Variants in BAHCC1 observed in about 807,000 individuals in gnomAD.
BAHCC1 encodes BAH and coiled-coil domain-containing protein 1.
In BAHCC1, 43 loss-of-function variants were observed where a neutral mutation model predicts 88.2. The ratio of observed to expected loss-of-function variants is 0.49; its 90% CI spans 0.38 to 0.63. The LOEUF is 0.63. Among genes scored for constraint, BAHCC1 ranks in the 20% least tolerant of loss-of-function variants. The probability of loss-of-function intolerance (pLI) is 0.00; values close to 1 mark genes in which losing one functional copy is unlikely to be tolerated. For missense variants in BAHCC1, 3,023 were observed against 1,654.8 expected (o/e 1.83, Z -14.34); for synonymous variants, 1,510 against 745.5 (o/e 2.03, Z -16.71).
At chr17:81,426,460 T>G (rs2064201201) in intron 2 of BAHCC1, among the ~76,000 whole-genome samples, 6 of 114,060 alleles carry the variant, frequency 5.3e-5, no homozygotes, top group African/African-American at 7.6e-5. Context: ...ATGTGGGTGA[T>G]GTGGTTGGGG....
chr17:81,417,529 G>A (rs2064048214), intron 2 of BAHCC1, among the ~76,000 whole-genome samples: 1 of 150,758 alleles, frequency 6.6e-6, no homozygotes, highest in South Asian at 2.1e-4. Context: ...GGAGACCGAG[G>A]AGGGACGCCA....
chr17:81,452,001 C>T lies in BAHCC1; in HGVS notation c.4210C>T (p.Leu1404=). ...CCCCCTGAAGGCCGCCATCGACCGG[C>T]TGGACACGCAGGAGGTGGGGATGCG... ...VCPLKAAIDR[L]DTQEVGMRVR... is the part of the protein sequence containing the mutation. Residue 1404 remains leucine (L), a synonymous_variant, in exon 13 of 28, where the codon CTG becomes TTG. Transcript: ENST00000675386. 1 of 636,228 alleles carries T rather than the reference C, an allele frequency of 1.6e-6. No homozygotes were observed. Among genetic ancestry groups the T allele is most frequent in the East Asian group, 2.7e-5 (1 of 36,434 alleles). The allele number at this position is 636,228 out of a possible 1,614,324, so 39.4% of individuals were successfully genotyped here. A position where few individuals can be genotyped will look rare whatever the true frequency, so the allele number is the denominator to read the frequency against.
chr17:81,406,247 T>C (rs1326139606), intron 2 of BAHCC1, among the ~76,000 whole-genome samples: 1 of 152,044 alleles, frequency 6.6e-6, no homozygotes, highest in South Asian at 2.1e-4. Context: ...ACAGCCTCCT[T>C]GAGGGGAGAT....
chr17:81,417,873 C>T (rs376914674), intron 2 of BAHCC1, among the ~76,000 whole-genome samples: 36 of 152,334 alleles, frequency 2.4e-4, no homozygotes, highest in African/African-American at 7.9e-4. Flanking sequence ...CTGCAGGTCC[C>T]GGGCTGAGCC....
rs1387103026 is a variant in BAHCC1, at chr17:81,461,395, C to T, written c.6732C>T (p.Pro2244=). 1.1e-5 allele frequency: 8 copies of T among 722,346 alleles called. No individual in the cohort carries two copies. Among genetic ancestry groups the T allele is most frequent in the Admixed American group, 7.5e-5 (4 of 53,580 alleles). The allele number at this position is 722,346 out of a possible 1,614,324, so 44.7% of individuals were successfully genotyped here. A position where few individuals can be genotyped will look rare whatever the true frequency, so the allele number is the denominator to read the frequency against. ...SPKLGRPLPS[P]SYVHPALVGK... The stretch of plus-strand genomic sequence containing the variant: ...AGCTCGGGCGGCCCCTGCCCAGCCC[C>T]AGCTATGTGCACCCGGCCCTTGTGG... The change falls in exon 26 of 28, where the codon CCC becomes CCT. Residue 2244 remains proline, a synonymous_variant. Transcript: ENST00000675386.
rs1291378411 is a variant in BAHCC1, at chr17:81,427,236, CA to C, written c.358+258del. Among the ~76,000 whole-genome samples the C allele has an allele frequency of 2.6e-5, 4 of 152,136 alleles. 1 individual carries two copies. The highest frequency in any genetic ancestry group is 7.2e-5 in the African/African-American group (3 of 41,410). On this transcript the variant is annotated intron_variant, in intron 3 of 27. Coordinates refer to ENST00000675386, the MANE Select transcript of BAHCC1 (RefSeq NM_001377448.1). ...GCTCCAGATGGGCAGCAAGGGGAAA[CA>C]GGGGGGCCAGGAGGGGCTCTGGGGA... is the stretch of plus-strand genomic sequence containing the variant.
chr17:81,453,804 C>T (rs2064693237), intron 14 of BAHCC1, among the ~76,000 whole-genome samples: 1 of 152,260 alleles, frequency 6.6e-6, no homozygotes, highest in Admixed American at 6.5e-5. Flanking sequence ...CCACCTCACC[C>T]TTCCACCTCC....
Position 81,443,431 on chromosome 17 carries a change from C to T in BAHCC1, c.2082C>T (p.Gly694=), listed in dbSNP as rs781865653. 12 of 757,788 alleles carry T rather than the reference C, an allele frequency of 1.6e-5. No homozygotes were observed. Among genetic ancestry groups the T allele is most frequent in the South Asian group, 4.2e-5 (3 of 71,580 alleles). 46.9% of individuals were successfully genotyped at this position (757,788 alleles called of 1,614,324 possible). The change falls in exon 5 of 28, where the codon GGC becomes GGT. Residue 694 remains glycine (G), a synonymous_variant. Coordinates refer to ENST00000675386, the MANE Select transcript of BAHCC1 (RefSeq NM_001377448.1). ...ARSREHDTTH[G]DGEVRQPPVG... ...GCAGGGAGCACGACACCACGCACGG[C>T]GACGGGGAGGTGCGGCAGCCCCCTG... is the stretch of plus-strand genomic sequence containing the variant.
At chr17:81,417,245 G>A (rs1167662469) in intron 2 of BAHCC1, among the ~76,000 whole-genome samples, 12 of 152,178 alleles carry the variant, frequency 7.9e-5, no homozygotes, top group African/African-American at 2.4e-4. Context: ...AGTTTGGGGC[G>A]AGGAGACTCA....
rs1555654048 is a variant in BAHCC1, at chr17:81,445,430, T to C, written c.2912T>C (p.Val971Ala). ...EKAPKSTHKP[V>A]ALTPTAPGAP... ...GCCCCAAAGTCCACCCACAAGCCAG[T>C]TGCCTTAACCCCCACGGCCCCGGGC... The change falls in exon 10 of 28, where the codon GTT becomes GCT. Residue 971 changes from valine (V) to alanine (A), a missense_variant. Coordinates refer to ENST00000675386, the MANE Select transcript of BAHCC1 (RefSeq NM_001377448.1). The C allele has an allele frequency of 1.3e-6, 1 of 774,972 alleles. No individual in the cohort carries two copies. Among genetic ancestry groups the C allele is most frequent in the Admixed American group, 1.7e-5 (1 of 58,658 alleles). The allele number at this position is 774,972 out of a possible 1,614,324, so 48.0% of individuals were successfully genotyped here.
intron 23 of BAHCC1, among the ~76,000 whole-genome samples, chr17:81,459,981 G>A (rs1417177674): frequency 2.0e-5 from 3 of 152,120 alleles, no homozygotes; most frequent in Non-Finnish European, 4.4e-5. Context: ...CCAGGTGGGC[G>A]GGAGGCGCCT....
Position 81,455,262 on chromosome 17 carries a change from C to A in BAHCC1, c.4446-5C>A, listed in dbSNP as rs1555656961. 2 of 714,560 alleles carry A rather than the reference C, an allele frequency of 2.8e-6. No individual in the cohort carries two copies. The highest frequency in any genetic ancestry group is 2.0e-5 in the Admixed American group (1 of 50,000). 44.3% of individuals were successfully genotyped at this position (714,560 alleles called of 1,614,324 possible). A position where few individuals can be genotyped will look rare whatever the true frequency, so the allele number is the denominator to read the frequency against. ...TGCCCTGCACCCACCACCCCATGCC[C>A]CCAGGGCGGTGCGGACAAGCCTGGG... is the stretch of plus-strand genomic sequence containing the variant. On this transcript the variant is annotated splice_region_variant and splice_polypyrimidine_tract_variant and intron_variant, in intron 14 of 27. Transcript: ENST00000675386.
chr17:81,455,317 G>A lies in BAHCC1; in HGVS notation c.4496G>A (p.Ser1499Asn), dbSNP rs1555657003. ...GLLCAELRGG[S>N]GGEPAKKRSK... ...CTGTGTGCGGAGCTGCGAGGAGGCA[G>A]TGGGGGCGAGCCTGCGAAGAAGCGA... The change falls in exon 15 of 28, where the codon AGT becomes AAT. Residue 1499 changes from serine to asparagine, a missense_variant. Coordinates refer to ENST00000675386, the MANE Select transcript of BAHCC1 (RefSeq NM_001377448.1). 5.6e-6 allele frequency: 4 copies of A among 717,332 alleles called. No individual in the cohort carries two copies. Among genetic ancestry groups the A allele is most frequent in the Non-Finnish European group, 1.0e-5 (4 of 385,304 alleles). The allele number at this position is 717,332 out of a possible 1,614,324, so 44.4% of individuals were successfully genotyped here.
rs1555657292 is a variant in BAHCC1 at position 81,456,426 on chromosome 17, AAGG to A, written c.4703_4705del (p.Glu1568del). On this transcript the variant is annotated inframe_deletion, in exon 16 of 28. Coordinates refer to ENST00000675386, the MANE Select transcript of BAHCC1 (RefSeq NM_001377448.1). Reference sequence around the variant, plus strand: ...CACAGGCCTCAGCTCTTTCCAGCAGAAGGAGGCTACCCCCGGGGGGCGCATCCG... The same window carrying A: ...CACAGGCCTCAGCTCTTTCCAGCAGAAGGCTACCCCCGGGGGGCGCATCCG... 1 of 722,774 alleles carries A rather than the reference AAGG, an allele frequency of 1.4e-6. No individual in the cohort carries two copies. The highest frequency in any genetic ancestry group is 2.0e-5 in the Admixed American group (1 of 50,718). The allele number at this position is 722,774 out of a possible 1,614,324, so 44.8% of individuals were successfully genotyped here.
chr17:81,426,251 G>A (rs2064196637), intron 2 of BAHCC1, among the ~76,000 whole-genome samples: 1 of 146,876 alleles, frequency 6.8e-6, no homozygotes, highest in Admixed American at 6.8e-5. Context: ...GTGGTTGGTG[G>A]TAATAGTCGT....
chr17:81,445,703 G>A (rs781899370), intron 10 of BAHCC1, 22 bp downstream of exon 10: 94 of 717,412 alleles, frequency 1.3e-4, no homozygotes, highest in African/African-American at 3.7e-4. Context: ...CGCCTGGCCC[G>A]GCCCACTGTG....
At position 81,444,675 on chromosome 17, in the gene BAHCC1, G is replaced by A. The variant is rs781805152; in HGVS notation, c.2520G>A (p.Gly840=). 7.8e-6 allele frequency: 6 copies of A among 772,984 alleles called. No homozygotes were observed. The highest frequency in any genetic ancestry group is 1.2e-5 in the Non-Finnish European group (5 of 417,480). 47.9% of individuals were successfully genotyped at this position (772,984 alleles called of 1,614,324 possible). A position where few individuals can be genotyped will look rare whatever the true frequency, so the allele number is the denominator to read the frequency against. Residue 840 remains glycine (G), a synonymous_variant, in exon 8 of 28, where the codon GGG becomes GGA. Coordinates refer to ENST00000675386, the MANE Select transcript of BAHCC1 (RefSeq NM_001377448.1). The part of the protein sequence containing the change: ...LWMGGHSYGL[G]HPALHQNLPP... ...GTGCCCTCTGCCTCCCAGGCCTGGGGCACCCTGCCCTGCACCAGAACCTGC... is the reference window on the plus strand; with the variant it reads ...GTGCCCTCTGCCTCCCAGGCCTGGGACACCCTGCCCTGCACCAGAACCTGC...
chr17:81,441,952 C>G lies in BAHCC1; in HGVS notation c.603C>G (p.Asp201Glu). 2.7e-6 allele frequency: 2 copies of G among 746,290 alleles called. No individual in the cohort carries two copies. The highest frequency in any genetic ancestry group is 5.1e-6 in the Non-Finnish European group (2 of 395,606). 46.2% of individuals were successfully genotyped at this position (746,290 alleles called of 1,614,324 possible). A position where few individuals can be genotyped will look rare whatever the true frequency, so the allele number is the denominator to read the frequency against. Residue 201 changes from aspartate (D) to glutamate (E), a missense_variant, in exon 5 of 28, where the codon GAC (aspartate) becomes GAG (glutamate). By Grantham distance (45) the Asp-to-Glu change is conservative. Transcript: ENST00000675386. ...TGGGCTCCTGCAGCCGGGATCGAGA[C>G]CGGGGTGAGGCAGGCTCCCTGCAGA... ...HPMGSCSRDR[D>E]RGEAGSLQKG...
intron 10 of BAHCC1, among the ~76,000 whole-genome samples, chr17:81,446,482 C>A (rs1289020798): frequency 2.8e-5 from 4 of 144,740 alleles, no homozygotes; most frequent in Non-Finnish European, 6.0e-5. Flanking sequence ...AGCTTCAAGG[C>A]CACTCTTTAG....
Sources: gnomAD v4.1 joint callset for allele counts (sites outside exome capture counted in the v4.1 genomes callset) on GRCh38, gnomAD v4.1.1 for gene constraint, MANE v1.5 for transcripts, NCBI Gene and HGNC (gene_info 2026-07-23, HGNC 2026-07-21) for gene names.